FGD4: variants seen among roughly 807,000 people sequenced by gnomAD.
FGD4 encodes the protein FYVE, RhoGEF and PH domain containing 4, also known as FYVE, RhoGEF and PH domain-containing protein 4.
In FGD4, 42 loss-of-function variants were observed where a neutral mutation model predicts 102.0. That is an observed-to-expected ratio of 0.41 (90% CI 0.32 to 0.53). FGD4 has a LOEUF of 0.53. FGD4 is among the 20% of genes least tolerant of loss of function. The probability of loss-of-function intolerance (pLI) is 0.21; values close to 1 mark genes in which losing one functional copy is unlikely to be tolerated. For synonymous variants in FGD4, 380 were observed against 375.7 expected, an observed-to-expected ratio of 1.01 and a Z score of -0.13; for missense variants, 902 against 1,078.2, an observed-to-expected ratio of 0.84 and a Z score of 2.29.
intron 11 of FGD4, 147 bp from the exon 12 acceptor site, chr12:32,624,275 A>G: frequency 1.5e-6 from 1 of 663,630 alleles, no homozygotes; most frequent in East Asian, 2.8e-5. Context: ...TATTTGTTTA[A>G]TTGCCAGAGA....
intron 7 of FGD4, among the ~76,000 whole-genome samples, chr12:32,604,666 C>G (rs1253987254): frequency 6.6e-6 from 1 of 152,146 alleles, no homozygotes; most frequent in Non-Finnish European, 1.5e-5. Context: ...GTGTATGTTG[C>G]CCACCACTCC....
chr12:32,496,952 A>G (rs1355347465), intron 1 of FGD4, among the ~76,000 whole-genome samples: 1 of 152,230 alleles, frequency 6.6e-6, no homozygotes, highest in African/African-American at 2.4e-5. Flanking sequence ...AAATCTCATT[A>G]TTCTTATTTG....
rs371002029 is a variant in FGD4, at chr12:32,639,112, G to A, written c.2454+317G>A. 1.3e-4 allele frequency among the ~76,000 whole-genome samples: 20 copies of A among 152,252 alleles called. No individual in the cohort carries two copies. In the East Asian group the frequency reaches 1.3e-3, roughly 10 times the overall value. The stretch of plus-strand genomic sequence containing the variant: ...GGAGAAACAAGCCTTTTTAATGATA[G>A]GAAACATTAAGAAAAGACTTTTTAA... On this transcript the variant is annotated intron_variant, in intron 16 of 16. Coordinates refer to ENST00000534526, the MANE Select transcript of FGD4 (RefSeq NM_001370298.3).
Position 32,544,673 on chromosome 12 carries a change from A to G in FGD4, c.167-19464A>G, listed in dbSNP as rs988878148. 2.0e-5 allele frequency among the ~76,000 whole-genome samples: 3 copies of G among 152,050 alleles called. No homozygotes were observed. Among genetic ancestry groups the G allele is most frequent in the Non-Finnish European group, 4.4e-5 (3 of 68,000 alleles). ...GCTTGAGCCAGGAAGTGGAGGTTGC[A>G]GTGAGTTGAGATCGCACCATTGCAC... On this transcript the variant is annotated intron_variant, in intron 1 of 16. Transcript: ENST00000534526. This position sits in a 1 kb window ranked among gnomAD's most constrained non-coding sequence, Gnocchi z 4.1.
chr12:32,584,512 A>C (rs1227640446), intron 4 of FGD4, among the ~76,000 whole-genome samples: 1 of 152,204 alleles, frequency 6.6e-6, no homozygotes, highest in East Asian at 1.9e-4. Context: ...GAGCTTGAAC[A>C]AGTCAATAAT....
chr12:32,610,108 C>G (rs774332528), intron 8 of FGD4, among the ~76,000 whole-genome samples: 5 of 152,202 alleles, frequency 3.3e-5, no homozygotes, highest in Non-Finnish European at 7.3e-5. Context: ...GCTCATACAA[C>G]TAGTAAAATA....
chr12:32,482,265 A>G (rs1200398351), intron 1 of FGD4, among the ~76,000 whole-genome samples: 1 of 152,204 alleles, frequency 6.6e-6, no homozygotes, highest in Non-Finnish European at 1.5e-5. Flanking sequence ...ACAATATAGC[A>G]TATTTAGGAG....
intron 7 of FGD4, among the ~76,000 whole-genome samples, chr12:32,606,664 A>G (rs1214590835): frequency 2.0e-5 from 3 of 152,162 alleles, no homozygotes; most frequent in Non-Finnish European, 4.4e-5. Flanking sequence ...TTTGCTTCAA[A>G]TGCAAACACC....
At chr12:32,615,510 T>C (rs1195164641) in intron 10 of FGD4, among the ~76,000 whole-genome samples, 5 of 152,204 alleles carry the variant, frequency 3.3e-5, no homozygotes, top group Non-Finnish European at 7.3e-5. Context: ...TTCTCATTTG[T>C]GCTAAACACA....
At chr12:32,420,435 G>A (rs1222305342) in intron 1 of FGD4, among the ~76,000 whole-genome samples, 1 of 151,996 alleles carries the variant, frequency 6.6e-6, no homozygotes, top group Non-Finnish European at 1.5e-5. Context: ...TTTTATTGCT[G>A]ACCACTTTCC....
chr12:32,563,449 C>T (rs563980460), intron 1 of FGD4, among the ~76,000 whole-genome samples: 3 of 151,662 alleles, frequency 2.0e-5, no homozygotes, highest in Admixed American at 6.6e-5. Context: ...GGATGGCGGC[C>T]GGGAAGAGGC....
chr12:32,529,540 A>C (rs1941590224), intron 1 of FGD4, among the ~76,000 whole-genome samples: 1 of 151,906 alleles, frequency 6.6e-6, no homozygotes, highest in Admixed American at 6.6e-5. Flanking sequence ...ATTTGTACAT[A>C]ATTTATTAAA....
chr12:32,420,501 C>A (rs1941590089), intron 1 of FGD4, among the ~76,000 whole-genome samples: 1 of 152,074 alleles, frequency 6.6e-6, no homozygotes, highest in African/African-American at 2.4e-5. Context: ...TTAGAAAATT[C>A]CCTAAAACCT....
intron 14 of FGD4, among the ~76,000 whole-genome samples, chr12:32,628,130 A>G (rs10844262): frequency 0.5 from 75,100 of 151,702 alleles, 19,475 homozygotes; most frequent in Middle Eastern, 0.64. Flanking sequence ...CTTGTCATGT[A>G]AATGTTGAAG....
chr12:32,403,593 A>G (rs1312088814), intron 1 of FGD4, among the ~76,000 whole-genome samples: 2 of 126,464 alleles, frequency 1.6e-5, no homozygotes, highest in Admixed American at 1.6e-4. Context: ...AACGCAGCAA[A>G]ACTCCATCTT....
chr12:32,415,000 A>G (rs985865114), intron 1 of FGD4, among the ~76,000 whole-genome samples: 2 of 152,156 alleles, frequency 1.3e-5, no homozygotes, highest in Admixed American at 1.3e-4. Flanking sequence ...TATTGTTTCA[A>G]TAAATTTTTC....
chr12:32,488,473 G>A (rs1029823390), intron 1 of FGD4, among the ~76,000 whole-genome samples: 18 of 151,710 alleles, frequency 1.2e-4, no homozygotes, highest in African/African-American at 4.1e-4. Flanking sequence ...AAAACTTGTG[G>A]GATTTTTTTT....
intron 7 of FGD4, among the ~76,000 whole-genome samples, chr12:32,607,538 C>T (rs990221218): frequency 2.6e-5 from 4 of 151,834 alleles, no homozygotes; most frequent in African/African-American, 4.9e-5. Flanking sequence ...TTTTTTGAGA[C>T]GGAGTCTCAC....
At chr12:32,511,597 CGGCCTGATT>C (rs1193662213) in intron 1 of FGD4, among the ~76,000 whole-genome samples, 1 of 152,036 alleles carries the variant, frequency 6.6e-6, no homozygotes, top group Non-Finnish European at 1.5e-5. Context: ...CCACCGCGCC[CGGCCTGATT>C]GGTGTGATTT....
Sources: allele counts gnomAD v4.1 joint callset (sites outside exome capture counted in the v4.1 genomes callset), GRCh38; gene constraint gnomAD v4.1.1; non-coding constraint Gnocchi (gnomAD v3.1); transcripts MANE v1.5; gene names NCBI Gene and HGNC (gene_info 2026-07-23, HGNC 2026-07-21).